The following COL4A2 variants were observed in gnomAD, a reference collection of about 807,000 sequenced individuals.
The protein encoded by COL4A2 is collagen type IV alpha 2 chain.
In COL4A2, 99 loss-of-function variants were observed where a neutral mutation model predicts 200.2. The ratio of observed to expected loss-of-function variants is 0.49; its 90% CI spans 0.42 to 0.58. The LOEUF is 0.58. COL4A2 is among the 20% of genes least tolerant of loss of function. COL4A2 has a pLI of 0.00. For synonymous variants in COL4A2, 897 were observed against 900.6 expected (o/e 1.00, Z 0.07); for missense variants, 1,950 against 2,314.1 (o/e 0.84, Z 3.23).
intron 3 of COL4A2, among the ~76,000 whole-genome samples, chr13:110,323,036 C>A (rs2139353353): frequency 6.6e-6 from 1 of 152,346 alleles, no homozygotes; most frequent in African/African-American, 2.4e-5. Context: ...CCCCCAATAC[C>A]AGCTGTTACA....
intron 4 of COL4A2, among the ~76,000 whole-genome samples, chr13:110,396,706 A>G (rs528745969): frequency 6.6e-6 from 1 of 152,184 alleles, no homozygotes; most frequent in Non-Finnish European, 1.5e-5. Flanking sequence ...GCCATTCAGA[A>G]TCTTACTAGA....
chr13:110,385,718 A>AGC (rs1878693934), intron 4 of COL4A2, among the ~76,000 whole-genome samples: 1 of 125,998 alleles, frequency 7.9e-6, no homozygotes, highest in Non-Finnish European at 1.8e-5. Flanking sequence ...CCGTGGTTAC[A>AGC]GTGTGTGGAT....
rs146960233 is a variant in COL4A2 at position 110,467,225 on chromosome 13, C to T, written c.2095+129C>T. 4.6e-4 allele frequency: 571 copies of T among 1,231,538 alleles called. 4 individuals are homozygous for T. In the East Asian group the frequency reaches 0.015, roughly 32 times the overall value. The allele number at this position is 1,231,538 out of a possible 1,614,324, so 76.3% of individuals were successfully genotyped here. ...CCAGACATGGTCGTGTCCAGCATCT[C>T]AGCACAAACTGGTCTTGCGCCTACA... On this transcript the variant is annotated intron_variant, in intron 27 of 47. Transcript: ENST00000360467.
rs138954223 is a variant in COL4A2 at position 110,379,909 on chromosome 13, A to G, written c.180+22357A>G. The stretch of plus-strand genomic sequence containing the variant: ...CAACCCGCTCCGCCTTGGAAAGCTG[A>G]CCCTCCTCCACCTGCCTCCTCTCCT... On this transcript the variant is annotated intron_variant, in intron 4 of 47. Transcript: ENST00000360467. Among the ~76,000 whole-genome samples, 169 of 151,854 alleles carry G rather than the reference A, an allele frequency of 1.1e-3. 2 individuals carry two copies. In the East Asian group the frequency reaches 0.029, roughly 26 times the overall value.
Position 110,308,107 on chromosome 13 carries a change from C to G in COL4A2, c.83C>G (p.Ala28Gly), listed in dbSNP as rs2139334592. ...GGGACAGTGACCGTGGGGTTCCTCG[C>G]CCAGAGCGTCTTGGCGGTAAGTCCT... Reference protein sequence around the residue: ...LLGTVTVGFLAQSVLAGVKKF... With the variant: ...LLGTVTVGFLGQSVLAGVKKF... Residue 28 changes from alanine (A) to glycine (G), a missense_variant, in exon 3 of 48, where the codon GCC (alanine) becomes GGC (glycine). Around this residue, in one of 2 missense-constraint regions of COL4A2, gnomAD observed 565 missense variants for 593.5 expected, o/e 0.95. Coordinates refer to ENST00000360467, the MANE Select transcript of COL4A2 (RefSeq NM_001846.4). The G allele has an allele frequency of 1.2e-6, 2 of 1,613,810 alleles. No homozygotes were observed. Among genetic ancestry groups the G allele is most frequent in the Middle Eastern group, 1.7e-4 (1 of 6,060 alleles).
At chr13:110,456,424 G>T (rs1054044484) in intron 20 of COL4A2, 17 of 271,464 alleles carry the variant, frequency 6.3e-5, no homozygotes, top group Admixed American at 2.1e-4. Flanking sequence ...AGTTTTTTGG[G>T]GGGGAACCAG....
intron 16 of COL4A2, among the ~76,000 whole-genome samples, chr13:110,444,015 C>T (rs536529674): frequency 3.9e-5 from 6 of 152,158 alleles, no homozygotes; most frequent in Non-Finnish European, 5.9e-5. Context: ...CAGCCTCCCC[C>T]GAGTCAGTTG....
At chr13:110,493,325 C>T (rs780595815) in intron 39 of COL4A2, 43 bp downstream of exon 39, 7 of 1,599,588 alleles carry the variant, frequency 4.4e-6, no homozygotes, top group East Asian at 2.2e-5. Flanking sequence ...GCAGAGGTGT[C>T]GAGGGTGGGG....
chr13:110,307,774 C>T lies in COL4A2; in HGVS notation c.-44-86C>T. 2 of 1,288,264 alleles carry T rather than the reference C, an allele frequency of 1.6e-6. No individual in the cohort carries two copies. Among genetic ancestry groups the T allele is most frequent in the Non-Finnish European group, 2.1e-6 (2 of 944,478 alleles). The allele number at this position is 1,288,264 out of a possible 1,614,324, so 79.8% of individuals were successfully genotyped here. ...GCATGCGGGCCGCGCACCGCGCTGT[C>T]CCCGCGTCTCGCGGACCGAGACCGG... On this transcript the variant is annotated intron_variant, in intron 1 of 47. Transcript: ENST00000360467. This position sits in a 1 kb window ranked among gnomAD's most constrained non-coding sequence, Gnocchi z 5.0.
intron 15 of COL4A2, 76 bp from the exon 16 acceptor site, chr13:110,439,713 G>C (rs1238067943): frequency 6.2e-7 from 1 of 1,604,928 alleles, no homozygotes; most frequent in East Asian, 2.2e-5. Flanking sequence ...ATCACAGCCA[G>C]GTGCCGTAGT....
chr13:110,497,131 C>G (rs1883485822), intron 40 of COL4A2, among the ~76,000 whole-genome samples: 1 of 151,686 alleles, frequency 6.6e-6, no homozygotes, highest in South Asian at 2.1e-4. Context: ...GGACAGTCTA[C>G]CAGCATAACC....
In COL4A2 at chr13:110,482,508, C is replaced by T; in HGVS notation, c.2759-8C>T. ...TCTAACCCAGCACTTTTCTCTTTTC[C>T]TCTGAAGGAGATAGAGGCTCACCTG... On this transcript the variant is annotated splice_region_variant and splice_polypyrimidine_tract_variant and intron_variant, in intron 31 of 47. Transcript: ENST00000360467. 1 of 1,613,420 alleles carries T rather than the reference C, an allele frequency of 6.2e-7. No homozygotes were observed. The highest frequency in any genetic ancestry group is 8.5e-7 in the Non-Finnish European group (1 of 1,179,406).
At chr13:110,470,164 C>T in intron 28 of COL4A2, among the ~76,000 whole-genome samples, 1 of 152,146 alleles carries the variant, frequency 6.6e-6, no homozygotes, top group East Asian at 1.9e-4. Context: ...GATCTGCCCG[C>T]CTCAGCCTGC....
intron 39 of COL4A2, among the ~76,000 whole-genome samples, chr13:110,493,608 G>A (rs1400310931): frequency 6.6e-6 from 1 of 152,202 alleles, no homozygotes; most frequent in Non-Finnish European, 1.5e-5. Context: ...CCCCTCAGGT[G>A]TCTGGAGTGT....
At chr13:110,500,817 G>A (rs1274894880) in intron 40 of COL4A2, among the ~76,000 whole-genome samples, 3 of 152,214 alleles carry the variant, frequency 2.0e-5, no homozygotes, top group Non-Finnish European at 4.4e-5. Context: ...ACTCACTCGT[G>A]CCTGAATGCA....
At chr13:110,510,435 C>A (rs1884045312) in intron 47 of COL4A2, among the ~76,000 whole-genome samples, 2 of 152,202 alleles carry the variant, frequency 1.3e-5, no homozygotes, top group Admixed American at 1.3e-4. Context: ...TATCTGGAGC[C>A]CTCACAGCCC....
At position 110,499,649 on chromosome 13, in the gene COL4A2, A is replaced by G. The variant is rs145662397; in HGVS notation, c.3761-2019A>G. Among the ~76,000 whole-genome samples, 591 of 152,334 alleles carry G rather than the reference A, an allele frequency of 3.9e-3. 2 individuals carry two copies. The highest frequency in any genetic ancestry group is 0.013 in the African/African-American group (551 of 41,560). ...CTGATTTGGCCTTGAGTCATGCAAC[A>G]TGGGCCTTCACGGAACCCCTGTTAG... On this transcript the variant is annotated intron_variant, in intron 40 of 47. Coordinates refer to ENST00000360467, the MANE Select transcript of COL4A2 (RefSeq NM_001846.4).
intron 3 of COL4A2, among the ~76,000 whole-genome samples, chr13:110,344,621 G>A (rs962526907): frequency 6.6e-6 from 1 of 152,124 alleles, no homozygotes; most frequent in Non-Finnish European, 1.5e-5. Flanking sequence ...ACAGCAAACT[G>A]TCAAGGAATG....
At chr13:110,423,098 G>A (rs1440344779) in intron 4 of COL4A2, among the ~76,000 whole-genome samples, 1 of 152,104 alleles carries the variant, frequency 6.6e-6, no homozygotes, top group East Asian at 1.9e-4. Context: ...ATGGGGCTTG[G>A]CAAGTAAAGG....
Sources: gnomAD v4.1 joint callset for allele counts (sites outside exome capture counted in the v4.1 genomes callset) on GRCh38, gnomAD v4.1.1 for gene constraint, gnomAD v4.1.1 regional missense constraint, Gnocchi (gnomAD v3.1) non-coding constraint, MANE v1.5 for transcripts, NCBI Gene and HGNC (gene_info 2026-07-23, HGNC 2026-07-21) for gene names.